The following SEMA6D variants were observed in gnomAD, a reference collection of about 807,000 sequenced individuals.
SEMA6D encodes semaphorin-6D.
In SEMA6D, 35 loss-of-function variants were observed where a neutral mutation model predicts 106.6. The ratio of observed to expected loss-of-function variants is 0.33; its 90% CI spans 0.25 to 0.44. SEMA6D has a LOEUF of 0.44. SEMA6D is among the 20% of genes least tolerant of loss of function. SEMA6D has a pLI of 1.00. For synonymous variants in SEMA6D, 499 were observed against 487.7 expected (o/e 1.02, Z -0.31); for missense variants, 1,185 against 1,345.9 (o/e 0.88, Z 1.87).
chr15:47,686,480 G>A (rs530571474), intron 4 of SEMA6D, among the ~76,000 whole-genome samples: 87 of 152,322 alleles, frequency 5.7e-4, no homozygotes, highest in African/African-American at 2.0e-3. Context: ...ATCTCAAAGA[G>A]ATTTAGAAAA....
intron 4 of SEMA6D, among the ~76,000 whole-genome samples, chr15:47,657,111 T>TTCAATTTCTTCATTTTCCTTTA (rs2077812439): frequency 6.6e-6 from 1 of 152,144 alleles, no homozygotes; most frequent in Admixed American, 6.5e-5. Context: ...TTGAAGAAAT[T>TTCAATTTCTTCATTTTCCTTTA]GTACAGTTTG....
intron 1 of SEMA6D, among the ~76,000 whole-genome samples, chr15:47,367,692 G>GCACACACACACACACACA (rs72057750): frequency 1.4e-5 from 1 of 73,408 alleles, no homozygotes; most frequent in African/African-American, 4.1e-5. Flanking sequence ...GCGCGCGCGC[G>GCACACACACACACACACA]CACACACACA....
intron 2 of SEMA6D, among the ~76,000 whole-genome samples, chr15:47,458,059 CA>C (rs1426722386): frequency 1.3e-5 from 2 of 151,780 alleles, no homozygotes; most frequent in East Asian, 3.9e-4. Context: ...AAATATCTCT[CA>C]AAACCAAAAT....
chr15:47,409,898 G>A (rs1468922852), intron 1 of SEMA6D, among the ~76,000 whole-genome samples: 1 of 151,434 alleles, frequency 6.6e-6, no homozygotes, highest in African/African-American at 2.4e-5. Flanking sequence ...TTTCGGGGTT[G>A]TGGGGGGGGT....
chr15:47,315,499 T>G (rs2036631580), intron 1 of SEMA6D, among the ~76,000 whole-genome samples: 1 of 152,264 alleles, frequency 6.6e-6, no homozygotes, highest in Non-Finnish European at 1.5e-5. Context: ...TGATTGTATC[T>G]TTTTACAGTA....
chr15:47,457,704 A>G (rs930796179), intron 2 of SEMA6D, among the ~76,000 whole-genome samples: 1 of 151,996 alleles, frequency 6.6e-6, no homozygotes, highest in African/African-American at 2.4e-5. Context: ...TAGAGTACTC[A>G]AAAGGTAAGA....
intron 1 of SEMA6D, among the ~76,000 whole-genome samples, chr15:47,210,764 C>CAA (rs34743184): frequency 0.025 from 1,516 of 61,570 alleles, 80 homozygotes; most frequent in African/African-American, 0.055. Context: ...GACTCCGTCT[C>CAA]AAAAAAAAAA....
chr15:47,553,336 T>C (rs894503525), intron 3 of SEMA6D, among the ~76,000 whole-genome samples: 7 of 152,146 alleles, frequency 4.6e-5, no homozygotes, highest in Non-Finnish European at 8.8e-5. Flanking sequence ...CTTTATCACA[T>C]AATTGCCTCT....
At chr15:47,373,074 C>T (rs1458873757) in intron 1 of SEMA6D, among the ~76,000 whole-genome samples, 1 of 152,182 alleles carries the variant, frequency 6.6e-6, no homozygotes, top group Non-Finnish European at 1.5e-5. Context: ...AGCTTCATTG[C>T]CACCTCTAAT....
At chr15:47,545,766 A>G (rs1364842655) in intron 3 of SEMA6D, among the ~76,000 whole-genome samples, 2 of 152,156 alleles carry the variant, frequency 1.3e-5, no homozygotes, top group South Asian at 2.1e-4. Flanking sequence ...AATGAAGGAA[A>G]GAAGCCCTGG....
chr15:47,646,049 T>C (rs147381736), intron 4 of SEMA6D, among the ~76,000 whole-genome samples: 11 of 152,202 alleles, frequency 7.2e-5, no homozygotes, highest in Non-Finnish European at 1.3e-4. Context: ...TTATGGTGGC[T>C]TCATTATGTA....
intron 1 of SEMA6D, among the ~76,000 whole-genome samples, chr15:47,384,001 A>G (rs56126093): frequency 0.082 from 12,479 of 152,240 alleles, 1,060 homozygotes; most frequent in African/African-American, 0.21. Context: ...CTCATTTACA[A>G]TGGGCTCCGT....
At chr15:47,493,452 G>T (rs1252422149) in intron 3 of SEMA6D, among the ~76,000 whole-genome samples, 2 of 152,106 alleles carry the variant, frequency 1.3e-5, no homozygotes, top group Admixed American at 6.6e-5. Context: ...AGCTAGAAAG[G>T]CACTTTACAA....
At chr15:47,449,474 A>G (rs911385101) in intron 2 of SEMA6D, among the ~76,000 whole-genome samples, 4 of 152,072 alleles carry the variant, frequency 2.6e-5, no homozygotes, top group Admixed American at 1.3e-4. Flanking sequence ...TTCTTTCTCC[A>G]TTGTAGAGTT....
At chr15:47,584,427 GGAA>G (rs2076302974) in intron 3 of SEMA6D, among the ~76,000 whole-genome samples, 1 of 143,158 alleles carries the variant, frequency 7.0e-6, no homozygotes, top group Non-Finnish European at 1.5e-5. Flanking sequence ...CTGTCTCAGG[GGAA>G]AAAAAAAAAA....
chr15:47,697,788 C>T (rs2078729959), intron 4 of SEMA6D, among the ~76,000 whole-genome samples: 1 of 152,248 alleles, frequency 6.6e-6, no homozygotes, highest in Non-Finnish European at 1.5e-5. Context: ...CCACTTCCCC[C>T]CGCCTTAGGC....
chr15:47,423,442 C>G (rs1457456084), intron 2 of SEMA6D, among the ~76,000 whole-genome samples: 3 of 151,992 alleles, frequency 2.0e-5, no homozygotes, highest in Admixed American at 2.0e-4. Flanking sequence ...CTGAATCTGC[C>G]TTCTTGCTTT....
intron 1 of SEMA6D, among the ~76,000 whole-genome samples, chr15:47,725,472 C>T (rs971476961): frequency 6.6e-6 from 1 of 152,096 alleles, no homozygotes; most frequent in Non-Finnish European, 1.5e-5. Context: ...CAGGGGGAAT[C>T]AGCACCCCTT....
intron 1 of SEMA6D, among the ~76,000 whole-genome samples, chr15:47,754,733 C>G (rs2081617422): frequency 6.6e-6 from 1 of 152,114 alleles, no homozygotes; most frequent in Admixed American, 6.5e-5. Flanking sequence ...ATTTCTCTCT[C>G]TGCAGTCTCA....
Sources: allele counts gnomAD v4.1 joint callset (sites outside exome capture counted in the v4.1 genomes callset), GRCh38; gene constraint gnomAD v4.1.1; transcripts MANE v1.5; gene names NCBI Gene and HGNC (gene_info 2026-07-23, HGNC 2026-07-21).